PTK2B: variants seen among roughly 807,000 people sequenced by gnomAD.
The protein encoded by PTK2B is protein tyrosine kinase 2 beta.
A neutral mutation model predicts 142.9 loss-of-function variants in PTK2B; 71 were observed. The observed-to-expected ratio is 0.50, with a 90% CI of 0.41 to 0.61. PTK2B has a LOEUF of 0.61. Ranked by LOEUF, PTK2B falls within the 20% of genes least tolerant of loss-of-function variation. The pLI is 0.00. For missense variants in PTK2B, 1,105 were observed against 1,320.4 expected (o/e 0.84, Z 2.53); for synonymous variants, 519 against 503.4 (o/e 1.03, Z -0.42).
chr8:27,454,157 A>T lies in PTK2B; in HGVS notation c.2599A>T (p.Ile867Phe). ...QKPPRLGAQS[I>F]QPTANLDRTD... ...GCCACCTGCGTCTTCCCCTCAGTCC[A>T]TCCAGCCCACAGCTAACCTGGACCG... Residue 867 changes from isoleucine (I) to phenylalanine (F), a missense_variant, in exon 29 of 31, where the codon ATC (isoleucine) becomes TTC (phenylalanine). Transcript: ENST00000346049. 2.5e-6 allele frequency: 4 copies of T among 1,614,006 alleles called. No homozygotes were observed. The highest frequency in any genetic ancestry group is 3.4e-6 in the Non-Finnish European group (4 of 1,179,986).
rs1809695347 is a variant in PTK2B, at chr8:27,420,764, C to T, written c.471+20C>T. The T allele has an allele frequency of 6.3e-7, 1 of 1,589,414 alleles. No homozygotes were observed. ...CAACAGGTAAAAAGTACTTTATCTTCTTGCCCCGAGGCTCCCATTACACCT... is the reference window on the plus strand; with the variant it reads ...CAACAGGTAAAAAGTACTTTATCTTTTTGCCCCGAGGCTCCCATTACACCT... On this transcript the variant is annotated intron_variant, in intron 4 of 30. Transcript: ENST00000346049.
At chr8:27,400,421 T>C (rs987495614) in intron 2 of PTK2B, among the ~76,000 whole-genome samples, 2 of 147,904 alleles carry the variant, frequency 1.4e-5, no homozygotes, top group Non-Finnish European at 3.0e-5. Context: ...CCCTAAACTC[T>C]GACAGCAGAG....
intron 16 of PTK2B, 92 bp downstream of exon 16, chr8:27,437,298 G>A: frequency 1.3e-6 from 2 of 1,541,032 alleles, no homozygotes; most frequent in Admixed American, 3.4e-5. Context: ...CCATGTTGGA[G>A]GAGGGGTTCC....
intron 1 of PTK2B, among the ~76,000 whole-genome samples, chr8:27,336,127 C>G (rs932886722): frequency 6.6e-6 from 1 of 152,122 alleles, no homozygotes; most frequent in Admixed American, 6.5e-5. Context: ...TGGGGCATGG[C>G]AGGTTTATGT....
chr8:27,403,850 TTTC>T (rs1227492655), intron 2 of PTK2B, among the ~76,000 whole-genome samples: 1 of 152,040 alleles, frequency 6.6e-6, no homozygotes, highest in African/African-American at 2.4e-5. Context: ...TTCTCTCTTC[TTTC>T]TTTTTTCTTC....
intron 1 of PTK2B, among the ~76,000 whole-genome samples, chr8:27,375,201 C>T (rs567268554): frequency 1.3e-5 from 2 of 152,324 alleles, no homozygotes; most frequent in East Asian, 3.9e-4. Flanking sequence ...TAGGGAGTTT[C>T]TGGGGCAGAA....
In PTK2B at chr8:27,347,079, TA is replaced by T. The variant is rs2130338167; in HGVS notation, c.-38+21403del. Among the ~76,000 whole-genome samples the T allele has an allele frequency of 2.0e-5, 3 of 152,274 alleles. No homozygotes were observed. In the South Asian group the frequency reaches 6.2e-4, roughly 32 times the overall value. ...TGGATCAATGATTCTGTTGCCATCT[TA>T]AAAAGTCATGGCTAGGCTGGACACT... On this transcript the variant is annotated intron_variant, in intron 1 of 30. Coordinates refer to ENST00000346049, the MANE Select transcript of PTK2B (RefSeq NM_173176.3).
intron 2 of PTK2B, among the ~76,000 whole-genome samples, chr8:27,414,132 C>T (rs1809235068): frequency 6.6e-6 from 1 of 152,212 alleles, no homozygotes; most frequent in Non-Finnish European, 1.5e-5. Context: ...GTACTTTTCC[C>T]CCTAGCCCTG....
intron 1 of PTK2B, among the ~76,000 whole-genome samples, chr8:27,356,331 A>G (rs889285912): frequency 2.0e-5 from 3 of 152,238 alleles, no homozygotes; most frequent in African/African-American, 7.2e-5. Context: ...AGTAAAGGAC[A>G]TCTATGGGAT....
chr8:27,317,129 G>A (rs1369441997), intron 3 of PTK2B, among the ~76,000 whole-genome samples: 1 of 152,126 alleles, frequency 6.6e-6, no homozygotes, highest in Admixed American at 6.5e-5. Flanking sequence ...AATGAAATAA[G>A]GCCATTTCTC....
chr8:27,343,823 G>GA (rs1418905483), intron 1 of PTK2B, among the ~76,000 whole-genome samples: 1 of 152,012 alleles, frequency 6.6e-6, no homozygotes, highest in East Asian at 1.9e-4. Context: ...TTAACGTGGT[G>GA]AAACCCTGTC....
intron 1 of PTK2B, among the ~76,000 whole-genome samples, chr8:27,368,720 G>A (rs1028946437): frequency 2.0e-5 from 3 of 152,224 alleles, no homozygotes; most frequent in Middle Eastern, 3.4e-3. Context: ...GGGTATTCAG[G>A]TCCAGGGAGA....
chr8:27,426,998 A>C (rs554753266), intron 5 of PTK2B, among the ~76,000 whole-genome samples: 14 of 152,312 alleles, frequency 9.2e-5, no homozygotes, highest in African/African-American at 3.4e-4. Flanking sequence ...TTATTCATTC[A>C]ACAACAGATC....
chr8:27,410,104 A>G (rs1808968168), intron 2 of PTK2B, among the ~76,000 whole-genome samples: 1 of 152,260 alleles, frequency 6.6e-6, no homozygotes, highest in African/African-American at 2.4e-5. Flanking sequence ...ACAAACAAAC[A>G]AAAAAGAATA....
chr8:27,427,760 G>A (rs1810171393), intron 5 of PTK2B, among the ~76,000 whole-genome samples: 1 of 152,098 alleles, frequency 6.6e-6, no homozygotes, highest in Admixed American at 6.6e-5. Flanking sequence ...CTTAACTGCA[G>A]GCACTCTTCA....
intron 1 of PTK2B, among the ~76,000 whole-genome samples, chr8:27,374,256 G>T (rs144875075): frequency 6.6e-6 from 1 of 152,336 alleles, no homozygotes; most frequent in Non-Finnish European, 1.5e-5. Flanking sequence ...AAAGGGGACT[G>T]CATTTAAGCC....
chr8:27,321,063 T>C (rs993857914), upstream of PTK2B, among the ~76,000 whole-genome samples: 1 of 136,870 alleles, frequency 7.3e-6, no homozygotes, highest in Admixed American at 8.0e-5. Context: ...GGTGCAATCA[T>C]AGCTCATTGC....
At chr8:27,452,861 C>A (rs944177177) in intron 27 of PTK2B, 8 of 556,158 alleles carry the variant, frequency 1.4e-5, no homozygotes, top group Non-Finnish European at 2.2e-5. Flanking sequence ...GCTGGGGCAC[C>A]ACTGCAATCC....
intron 18 of PTK2B, 41 bp from the exon 19 acceptor site, chr8:27,438,990 G>A (rs368608080): frequency 4.6e-6 from 7 of 1,523,550 alleles, no homozygotes; most frequent in Admixed American, 3.3e-5. Context: ...TCCCATGGGG[G>A]TGGGCAGTGC....
Sources: gnomAD v4.1 joint callset for allele counts (sites outside exome capture counted in the v4.1 genomes callset) on GRCh38, gnomAD v4.1.1 for gene constraint, MANE v1.5 for transcripts, NCBI Gene and HGNC (gene_info 2026-07-23, HGNC 2026-07-21) for gene names.